FN1: variants seen among roughly 807,000 people sequenced by gnomAD.
FN1 encodes fibronectin.
FN1 carries 106 observed loss-of-function variants against 297.3 expected under a neutral mutation model. That is an observed-to-expected ratio of 0.36 (90% CI 0.30 to 0.42). The LOEUF (loss-of-function observed/expected upper bound fraction) is 0.42. FN1 is among the 10% of genes least tolerant of loss of function. The pLI, the probability that FN1 is intolerant of heterozygous loss-of-function variation, is 1.00. For synonymous variants in FN1, 1,149 were observed against 1,152.6 expected (o/e 1.00, Z 0.06); for missense variants, 2,690 against 3,124.9 (o/e 0.86, Z 3.32).
chr2:215,401,975 C>T (rs1002598646), intron 20 of FN1, among the ~76,000 whole-genome samples: 11 of 151,852 alleles, frequency 7.2e-5, no homozygotes, highest in African/African-American at 1.9e-4. Context: ...ATGGGTGACC[C>T]GATGCCTTTT....
At chr2:215,388,992 GA>G (rs35034272) in intron 26 of FN1, among the ~76,000 whole-genome samples, 2 of 151,984 alleles carry the variant, frequency 1.3e-5, no homozygotes, top group African/African-American at 4.8e-5. Flanking sequence ...ACCTTTACTG[GA>G]AAAAAGCCAC....
At chr2:215,388,036 T>C (rs2059243362) in intron 27 of FN1, among the ~76,000 whole-genome samples, 176 bp downstream of exon 27, 1 of 152,230 alleles carries the variant, frequency 6.6e-6, no homozygotes, top group African/African-American at 2.4e-5. Context: ...TAGGTGATTG[T>C]TGAGTAAGGT....
At chr2:215,365,321 C>T (rs1051397760) in intron 43 of FN1, among the ~76,000 whole-genome samples, 184 bp downstream of exon 43, 3 of 152,204 alleles carry the variant, frequency 2.0e-5, no homozygotes, top group Non-Finnish European at 2.9e-5. Context: ...CCTGTAATAA[C>T]ATTAAATCAT....
chr2:215,417,085 C>T (rs891557849), intron 12 of FN1, among the ~76,000 whole-genome samples: 14 of 152,188 alleles, frequency 9.2e-5, no homozygotes, highest in Non-Finnish European at 8.8e-5. Context: ...ATTACTCTAG[C>T]TTATACTATG....
rs1008514702 is a variant in FN1 at position 215,406,114 on chromosome 2, C to G, written c.2986+124G>C. The G allele has an allele frequency of 4.0e-6, 4 of 990,646 alleles. No homozygotes were observed. The African/African-American group carries it at 6.3e-5, about 16-fold the overall frequency. 61.4% of individuals were successfully genotyped at this position (990,646 alleles called of 1,614,324 possible). A position where few individuals can be genotyped will look rare whatever the true frequency, so the allele number is the denominator to read the frequency against. Reference sequence around the variant, plus strand: ...TTTGTGTTCACTATGCATTCCCTTGCCGGCTGGGTATTTCCCTCTCTCTAA... The same window carrying G: ...TTTGTGTTCACTATGCATTCCCTTGGCGGCTGGGTATTTCCCTCTCTCTAA... On this transcript the variant is annotated intron_variant, in intron 19 of 45. Transcript: ENST00000354785.
Position 215,422,148 on chromosome 2 carries a change from T to A in FN1, c.1489A>T (p.Thr497Ser). The A allele has an allele frequency of 6.2e-7, 1 of 1,614,184 alleles. No individual in the cohort carries two copies. The highest frequency in any genetic ancestry group is 1.1e-5 in the South Asian group (1 of 91,086). Residue 497 changes from threonine (T) to serine (S), a missense_variant, in exon 10 of 46, where the codon ACG (threonine) becomes TCG (serine). By Grantham distance (58) the Thr-to-Ser change is moderately conservative (BLOSUM62 1). Coordinates refer to ENST00000354785, the MANE Select transcript of FN1 (RefSeq NM_212482.4). Reference protein sequence around the residue: ...QHDMGHMMRCTCVGNGRGEWT... With the variant: ...QHDMGHMMRCSCVGNGRGEWT... ...TCCCCACGACCATTCCCAACACACG[T>A]GCACCTCATCATGTGACCCATGTCA... is the stretch of plus-strand genomic sequence containing the variant.
At chr2:215,373,192 CTA>C in intron 39 of FN1, 128 bp downstream of exon 39, 1 of 723,972 alleles carries the variant, frequency 1.4e-6, no homozygotes, top group African/African-American at 1.7e-5. Context: ...AATATATACA[CTA>C]TGCTGTTAGA....
Position 215,434,825 on chromosome 2 carries a change from C to A in FN1, c.149-1G>T. ...TGTTTTCCATTGTCATAACAACCGG[C>A]TGCAAATAATTGAAGGAAAACGTTA... On this transcript the variant is annotated splice_acceptor_variant, in intron 1 of 45. Transcript: ENST00000354785. LOFTEE classifies it high-confidence loss of function. 6.3e-7 allele frequency: 1 copy of A among 1,598,100 alleles called. No homozygotes were observed. The highest frequency in any genetic ancestry group is 8.5e-7 in the Non-Finnish European group (1 of 1,175,730).
At chr2:215,361,811 CTT>C (rs1278174413) in intron 45 of FN1, 156 bp downstream of exon 45, 17 of 611,820 alleles carry the variant, frequency 2.8e-5, no homozygotes, top group African/African-American at 2.2e-4. Context: ...TAAATTATAA[CTT>C]AAACTATATT....
At chr2:215,376,971 AATT>A (rs1303196720) in intron 35 of FN1, among the ~76,000 whole-genome samples, 1 of 152,140 alleles carries the variant, frequency 6.6e-6, no homozygotes, top group Non-Finnish European at 1.5e-5. Flanking sequence ...TAAATATTAA[AATT>A]ATTAATGTAT....
chr2:215,421,150 T>C (rs2064273629), intron 10 of FN1: 1 of 334,788 alleles, frequency 3.0e-6, no homozygotes, highest in East Asian at 7.9e-5. Context: ...TTCCTTTAAA[T>C]ATCTGCTTGT....
intron 41 of FN1, 73 bp downstream of exon 41, chr2:215,370,221 C>T: frequency 2.1e-6 from 3 of 1,458,280 alleles, no homozygotes; most frequent in Admixed American, 3.3e-5. Flanking sequence ...AACAAAGGTA[C>T]AGTCAACAGA....
At chr2:215,392,809 C>T in intron 25 of FN1, 122 bp downstream of exon 25, 1 of 1,092,220 alleles carries the variant, frequency 9.2e-7, no homozygotes, top group South Asian at 1.3e-5. Context: ...CCCCAATCCA[C>T]CCTATCTGAA....
chr2:215,420,613 T>C (rs1018241349), intron 11 of FN1, 60 bp downstream of exon 11: 20 of 1,605,554 alleles, frequency 1.2e-5, no homozygotes, highest in Admixed American at 5.0e-5. Context: ...GCTTTTCTTA[T>C]CTGAAACTTG....
chr2:215,401,842 G>T (rs1233092821), intron 20 of FN1, among the ~76,000 whole-genome samples: 1 of 151,614 alleles, frequency 6.6e-6, no homozygotes, highest in Non-Finnish European at 1.5e-5. Flanking sequence ...ATATATGTGT[G>T]GGCCACTTCA....
chr2:215,428,144 T>C (rs2065833269), intron 6 of FN1, 36 bp downstream of exon 6: 1 of 1,612,142 alleles, frequency 6.2e-7, no homozygotes, highest in Non-Finnish European at 8.5e-7. Context: ...TTGACCTGCT[T>C]CCCCATTTCC....
chr2:215,381,135 C>T, intron 32 of FN1, 55 bp from the exon 33 acceptor site: 1 of 1,573,324 alleles, frequency 6.4e-7, no homozygotes, highest in South Asian at 1.1e-5. Flanking sequence ...GTGAAATAAG[C>T]ATTTTTATAA....
intron 27 of FN1, among the ~76,000 whole-genome samples, 172 bp downstream of exon 27, chr2:215,388,040 G>C (rs1416047332): frequency 6.6e-6 from 1 of 152,222 alleles, no homozygotes; most frequent in Non-Finnish European, 1.5e-5. Context: ...TGATTGTTGA[G>C]TAAGGTATCT....
intron 18 of FN1, 105 bp from the exon 19 acceptor site, chr2:215,406,615 A>G (rs2061809927): frequency 8.2e-7 from 1 of 1,225,838 alleles, no homozygotes. Context: ...CTCTCATTCG[A>G]GAGTTTTGCT....
Sources: allele counts gnomAD v4.1 joint callset (sites outside exome capture counted in the v4.1 genomes callset), GRCh38; gene constraint gnomAD v4.1.1; transcripts MANE v1.5; gene names NCBI Gene and HGNC (gene_info 2026-07-23, HGNC 2026-07-21).